SLC35F1: variants seen among roughly 807,000 people sequenced by gnomAD.
SLC35F1 encodes chromosome 6 open reading frame 169.
In SLC35F1, 14 loss-of-function variants were observed where a neutral mutation model predicts 48.7. That is an observed-to-expected ratio of 0.29 (90% CI 0.19 to 0.45). The LOEUF (loss-of-function observed/expected upper bound fraction) is 0.45. Ranked by LOEUF, SLC35F1 falls within the 20% of genes least tolerant of loss-of-function variation. The pLI, the probability that SLC35F1 is intolerant of heterozygous loss-of-function variation, is 1.00. For missense variants in SLC35F1, 404 were observed against 500.0 expected (o/e 0.81, Z 1.83); for synonymous variants, 190 against 202.2 (o/e 0.94, Z 0.51).
chr6:117,931,596 G>GT (rs1236695084), intron 1 of SLC35F1, among the ~76,000 whole-genome samples: 1 of 152,006 alleles, frequency 6.6e-6, no homozygotes, highest in Non-Finnish European at 1.5e-5. Context: ...CACTCACAGG[G>GT]TTTTTTTGTT....
intron 2 of SLC35F1, among the ~76,000 whole-genome samples, chr6:118,229,411 A>G (rs1194905905): frequency 6.6e-6 from 1 of 152,176 alleles, no homozygotes; most frequent in East Asian, 1.9e-4. Flanking sequence ...GGGGAGCACC[A>G]TGCATATACT....
intron 3 of SLC35F1, among the ~76,000 whole-genome samples, chr6:118,250,898 G>A (rs1775565575): frequency 6.6e-6 from 1 of 152,036 alleles, no homozygotes; most frequent in Admixed American, 6.6e-5. Context: ...CCAGGAAGCA[G>A]AGGTTGCAGT....
chr6:117,920,359 T>C (rs948422580), intron 1 of SLC35F1, among the ~76,000 whole-genome samples: 6 of 152,230 alleles, frequency 3.9e-5, no homozygotes, highest in Admixed American at 1.3e-4. Flanking sequence ...CGGACCTTTG[T>C]AGCTTTGCGA....
intron 2 of SLC35F1, among the ~76,000 whole-genome samples, chr6:118,230,738 T>C (rs1466854079): frequency 6.6e-6 from 1 of 152,154 alleles, no homozygotes; most frequent in Non-Finnish European, 1.5e-5. Context: ...AATCCCAGCA[T>C]TTTGGAAGGC....
At chr6:118,181,915 T>C (rs1446583234) in intron 2 of SLC35F1, among the ~76,000 whole-genome samples, 1 of 152,142 alleles carries the variant, frequency 6.6e-6, no homozygotes, top group Non-Finnish European at 1.5e-5. Context: ...TAATATTGAT[T>C]CAAAATAGAT....
intron 1 of SLC35F1, among the ~76,000 whole-genome samples, chr6:118,016,036 ACT>A (rs1412360118): frequency 1.3e-5 from 2 of 152,080 alleles, no homozygotes; most frequent in East Asian, 1.9e-4. Context: ...TTCAAAACAA[ACT>A]CTATCAAATT....
rs191391162 is a variant in SLC35F1 at position 118,298,419 on chromosome 6, C to A, written c.1002+13081C>A. On this transcript the variant is annotated intron_variant, in intron 7 of 7. Transcript: ENST00000360388. ...CATCCAACTCTCAGGAGTATAACCC[C>A]CTTGTGACCTTATTTCCCCTTGAAC... Among the ~76,000 whole-genome samples, 778 of 152,224 alleles carry A rather than the reference C, an allele frequency of 5.1e-3. 9 individuals are homozygous for A. The highest frequency in any genetic ancestry group is 0.018 in the African/African-American group (746 of 41,528).
chr6:118,024,059 AG>A (rs1777432693), intron 1 of SLC35F1, among the ~76,000 whole-genome samples: 2 of 152,218 alleles, frequency 1.3e-5, no homozygotes. Flanking sequence ...GGCTCACTGT[AG>A]TTACTATACT....
chr6:117,984,472 C>T (rs983598224), intron 1 of SLC35F1, among the ~76,000 whole-genome samples: 17 of 133,772 alleles, frequency 1.3e-4, no homozygotes, highest in African/African-American at 4.1e-4. Flanking sequence ...GCACTCTGGG[C>T]GACAGAGCAA....
intron 1 of SLC35F1, among the ~76,000 whole-genome samples, chr6:118,118,734 G>A (rs1773506940): frequency 1.3e-5 from 2 of 152,112 alleles, no homozygotes; most frequent in South Asian, 4.1e-4. Flanking sequence ...CAAATCTGGT[G>A]GGTAAACAGA....
chr6:118,205,203 G>C (rs1279028350), intron 2 of SLC35F1, among the ~76,000 whole-genome samples: 1 of 152,188 alleles, frequency 6.6e-6, no homozygotes, highest in East Asian at 1.9e-4. Flanking sequence ...AGGGTAGAGT[G>C]TTAGCTTATG....
chr6:118,173,352 GA>G (rs1273290040), intron 2 of SLC35F1, among the ~76,000 whole-genome samples: 2 of 128,956 alleles, frequency 1.6e-5, no homozygotes, highest in Admixed American at 7.5e-5. Flanking sequence ...AACAGATTAC[GA>G]AAAAAAAGAA....
intron 3 of SLC35F1, among the ~76,000 whole-genome samples, chr6:118,246,535 C>A (rs533000564): frequency 6.6e-6 from 1 of 152,126 alleles, no homozygotes; most frequent in Non-Finnish European, 1.5e-5. Flanking sequence ...AGAGGTGACA[C>A]CTGAACAGGA....
intron 1 of SLC35F1, among the ~76,000 whole-genome samples, chr6:117,920,722 C>T (rs1775887037): frequency 6.6e-6 from 1 of 152,092 alleles, no homozygotes; most frequent in Non-Finnish European, 1.5e-5. Flanking sequence ...AATCCATCTG[C>T]TAATGGAAAG....
chr6:118,042,853 T>A (rs1351470916), intron 1 of SLC35F1, among the ~76,000 whole-genome samples: 1 of 152,132 alleles, frequency 6.6e-6, no homozygotes. Flanking sequence ...AGGAGAGCTT[T>A]TGGAAGGGCT....
chr6:118,264,822 T>C (rs187330995), intron 3 of SLC35F1, among the ~76,000 whole-genome samples: 1 of 152,384 alleles, frequency 6.6e-6, no homozygotes, highest in Admixed American at 6.5e-5. Context: ...TGAAATTTCC[T>C]AATACACTGA....
At chr6:117,956,914 A>G (rs1008070348) in intron 1 of SLC35F1, among the ~76,000 whole-genome samples, 2 of 152,222 alleles carry the variant, frequency 1.3e-5, no homozygotes, top group African/African-American at 4.8e-5. Flanking sequence ...AACTCTTACC[A>G]TCAAAATGAA....
At chr6:117,998,184 T>C (rs1221922835) in intron 1 of SLC35F1, among the ~76,000 whole-genome samples, 2 of 148,614 alleles carry the variant, frequency 1.3e-5, no homozygotes, top group Non-Finnish European at 3.0e-5. Flanking sequence ...AAGAAGGCCA[T>C]TACATAATGG....
intron 1 of SLC35F1, among the ~76,000 whole-genome samples, chr6:118,137,753 G>T (rs140620093): frequency 0.016 from 2,433 of 152,202 alleles, 26 homozygotes; most frequent in Non-Finnish European, 0.027. Flanking sequence ...CTGCCTACAG[G>T]TCTGCAACCT....
Sources: gnomAD v4.1 joint callset for allele counts (sites outside exome capture counted in the v4.1 genomes callset) on GRCh38, gnomAD v4.1.1 for gene constraint, MANE v1.5 for transcripts, NCBI Gene and HGNC (gene_info 2026-07-23, HGNC 2026-07-21) for gene names.